PRRC2C: variants seen among roughly 807,000 people sequenced by gnomAD.
The protein encoded by PRRC2C is protein PRRC2C.
PRRC2C carries 72 observed loss-of-function variants against 317.2 expected under a neutral mutation model. That is an observed-to-expected ratio of 0.23 (90% CI 0.19 to 0.28). The LOEUF (loss-of-function observed/expected upper bound fraction) is 0.28, where lower values mean the gene tolerates loss of function less well. PRRC2C is among the 10% of genes least tolerant of loss of function. The pLI is 1.00. For missense variants in PRRC2C, 3,074 were observed against 3,459.7 expected, an observed-to-expected ratio of 0.89 and a Z score of 2.80; for synonymous variants, 1,296 against 1,205.9, an observed-to-expected ratio of 1.07 and a Z score of -1.55.
chr1:171,491,434 T>A (rs1404804951), intron 1 of PRRC2C, among the ~76,000 whole-genome samples: 1 of 152,196 alleles, frequency 6.6e-6, no homozygotes, highest in African/African-American at 2.4e-5. Context: ...CCTCCACTTC[T>A]CTCTCCAAGG....
chr1:171,539,416 A>C (rs866422173), intron 15 of PRRC2C, among the ~76,000 whole-genome samples: 2 of 152,196 alleles, frequency 1.3e-5, no homozygotes, highest in Non-Finnish European at 2.9e-5. Flanking sequence ...TTATACAGCA[A>C]ATCTCCAGAA....
intron 20 of PRRC2C, 43 bp downstream of exon 20, chr1:171,561,146 C>T: frequency 6.6e-7 from 1 of 1,507,696 alleles, no homozygotes; most frequent in African/African-American, 1.4e-5. Context: ...TGGATTTTCC[C>T]TAATACTTCA....
At chr1:171,584,265 G>T in intron 29 of PRRC2C, 78 bp downstream of exon 29, 1 of 1,412,090 alleles carries the variant, frequency 7.1e-7, no homozygotes, top group Admixed American at 2.2e-5. Context: ...ATTTTTAAAA[G>T]AAAACATGTT....
At chr1:171,571,072 G>A (rs1409543378) in intron 23 of PRRC2C, among the ~76,000 whole-genome samples, 1 of 152,108 alleles carries the variant, frequency 6.6e-6, no homozygotes, top group African/African-American at 2.4e-5. Flanking sequence ...CTTATATCTG[G>A]TGCAGACTCT....
intron 30 of PRRC2C, 115 bp from the exon 31 acceptor site, chr1:171,586,888 T>C: frequency 1.2e-6 from 1 of 842,028 alleles, no homozygotes; most frequent in Admixed American, 2.4e-5. Context: ...ACCTGGCCGA[T>C]GTGTTCTGTT....
In PRRC2C at chr1:171,523,498, G is replaced by A. The variant is rs377724701; in HGVS notation, c.1031G>A (p.Ser344Asn). 6 of 1,611,086 alleles carry A rather than the reference G, an allele frequency of 3.7e-6. No homozygotes were observed. The Admixed American group carries it at 5.0e-5, about 13-fold the overall frequency. Residue 344 changes from serine to asparagine, a missense_variant, in exon 9 of 35, where the codon AGT becomes AAT. Physicochemically the swap from Ser to Asn is conservative, Grantham distance 46. Around this residue, in one of 11 missense-constraint regions of PRRC2C, gnomAD observed 1,320 missense variants for 1,395.7 expected, o/e 0.95. Coordinates refer to ENST00000647382, the MANE Select transcript of PRRC2C (RefSeq NM_001387844.1). ...LNFSDDDEQGSNSPKENNSED... is the reference protein window; with the variant it reads ...LNFSDDDEQGNNSPKENNSED... ...TTCAGTGATGATGATGAACAAGGAA[G>A]TAACAGTCCTAAAGAGAATAACAGG... is the stretch of plus-strand genomic sequence containing the variant.
rs574241907 is a variant in PRRC2C, at chr1:171,518,559, A to G, written c.750+745A>G. Among the ~76,000 whole-genome samples the G allele has an allele frequency of 3.3e-3, 391 of 116,834 alleles. 1 individual carries two copies. Among genetic ancestry groups the G allele is most frequent in the African/African-American group, 0.013 (376 of 30,014 alleles). 76.6% of individuals were successfully genotyped at this position (116,834 alleles called of 152,430 possible). A position where few individuals can be genotyped will look rare whatever the true frequency, so the allele number is the denominator to read the frequency against. On this transcript the variant is annotated intron_variant, in intron 6 of 34. Transcript: ENST00000647382. ...TTCGCCCAGGCTGGAGTGCAGTGGC[A>G]TGATCTCAGCTCACTGCACCCTCTG...
rs778215422 is a variant in PRRC2C, at chr1:171,530,243, C to CTTT, written c.1255-2078_1255-2076dup. On this transcript the variant is annotated intron_variant, in intron 11 of 34. Transcript: ENST00000647382. Reference sequence around the variant, plus strand: ...ATCTGACGAAGGACTTGTAGCTGGGCTTTTTTTTTTTTTTTTTTTTTTTTG... The same window carrying CTTT: ...ATCTGACGAAGGACTTGTAGCTGGGCTTTTTTTTTTTTTTTTTTTTTTTTTTTG... Among the ~76,000 whole-genome samples the CTTT allele has an allele frequency of 5.5e-3, 350 of 63,352 alleles. 6 individuals carry two copies. Among genetic ancestry groups the CTTT allele is most frequent in the African/African-American group, 8.6e-3 (130 of 15,042 alleles). 41.6% of individuals were successfully genotyped at this position (63,352 alleles called of 152,430 possible). A position where few individuals can be genotyped will look rare whatever the true frequency, so the allele number is the denominator to read the frequency against.
At chr1:171,590,837 A>G (rs1312310734) in intron 34 of PRRC2C, among the ~76,000 whole-genome samples, 3 of 152,206 alleles carry the variant, frequency 2.0e-5, no homozygotes, top group African/African-American at 7.2e-5. Flanking sequence ...CATGTTGGAA[A>G]TAACATTAGA....
At chr1:171,500,470 C>T (rs1319060195) in intron 1 of PRRC2C, among the ~76,000 whole-genome samples, 1 of 152,026 alleles carries the variant, frequency 6.6e-6, no homozygotes, top group Non-Finnish European at 1.5e-5. Flanking sequence ...GCAATCATAG[C>T]TCACTGCAGC....
chr1:171,523,207 CT>C lies in PRRC2C; in HGVS notation c.834-13del. 6.3e-7 allele frequency: 1 copy of C among 1,590,738 alleles called. No individual in the cohort carries two copies. The highest frequency in any genetic ancestry group is 8.5e-7 in the Non-Finnish European group (1 of 1,172,162). ...TAAACTTTTGTATCTTTTCCATGAC[CT>C]GCCTTTCATTAGAGGCCTTCGAGGA... On this transcript the variant is annotated splice_polypyrimidine_tract_variant and intron_variant, in intron 7 of 34. Transcript: ENST00000647382.
At chr1:171,571,451 T>G (rs751535770) in intron 24 of PRRC2C, 30 bp downstream of exon 24, 5 of 1,483,410 alleles carry the variant, frequency 3.4e-6, no homozygotes, top group East Asian at 4.5e-5. Flanking sequence ...CTAAGAGTCC[T>G]TAATTGTTGC....
At chr1:171,524,360 T>C (rs1674170333) in intron 9 of PRRC2C, among the ~76,000 whole-genome samples, 1 of 152,226 alleles carries the variant, frequency 6.6e-6, no homozygotes, top group Admixed American at 6.5e-5. Context: ...GCACATTTGG[T>C]ATAATTTTTC....
At chr1:171,589,645 C>T in intron 34 of PRRC2C, 40 bp downstream of exon 34, 1 of 1,234,872 alleles carries the variant, frequency 8.1e-7, no homozygotes, top group South Asian at 1.3e-5. Context: ...AAGAATCTGT[C>T]TCTGAACCAT....
At chr1:171,552,062 G>A (rs170970) in intron 18 of PRRC2C, among the ~76,000 whole-genome samples, 122,279 of 152,172 alleles carry the variant, frequency 0.8, 49,245 homozygotes, top group Middle Eastern at 0.9. Context: ...CAGTATGGCC[G>A]TTTTTACGAT....
chr1:171,501,752 A>G (rs1669159262), intron 1 of PRRC2C, among the ~76,000 whole-genome samples: 1 of 152,190 alleles, frequency 6.6e-6, no homozygotes, highest in African/African-American at 2.4e-5. Flanking sequence ...AACTGTGTGG[A>G]TGGGTTTTGA....
chr1:171,589,120 A>G (rs1442848094), intron 33 of PRRC2C, among the ~76,000 whole-genome samples: 2 of 152,156 alleles, frequency 1.3e-5, no homozygotes, highest in Non-Finnish European at 2.9e-5. Context: ...TTCAGAATTT[A>G]CAACTGAGAT....
At chr1:171,587,838 T>C in intron 32 of PRRC2C, 87 bp downstream of exon 32, 5 of 769,418 alleles carry the variant, frequency 6.5e-6, no homozygotes, top group Non-Finnish European at 1.0e-5. Flanking sequence ...ACATAATCCC[T>C]TTTCCAAGCA....
chr1:171,575,809 T>C (rs1314382836), intron 25 of PRRC2C, among the ~76,000 whole-genome samples: 1 of 152,226 alleles, frequency 6.6e-6, no homozygotes, highest in Non-Finnish European at 1.5e-5. Flanking sequence ...ACCAAGTTTC[T>C]TCTGTTGAAA....
Sources: gnomAD v4.1 joint callset for allele counts (sites outside exome capture counted in the v4.1 genomes callset) on GRCh38, gnomAD v4.1.1 for gene constraint, gnomAD v4.1.1 regional missense constraint, MANE v1.5 for transcripts, NCBI Gene and HGNC (gene_info 2026-07-23, HGNC 2026-07-21) for gene names.